The following LRRIQ3 variants were observed in gnomAD, a reference collection of about 807,000 sequenced individuals.
LRRIQ3 encodes the protein leucine rich repeats and IQ motif containing 3.
In LRRIQ3, 75 loss-of-function variants were observed where a neutral mutation model predicts 59.3. The ratio of observed to expected loss-of-function variants is 1.26; its 90% CI spans 1.05 to 1.53. LRRIQ3 has a LOEUF of 1.53. LRRIQ3 is among the 40% of genes most tolerant of loss of function. The pLI is 0.00. For synonymous variants in LRRIQ3, 250 were observed against 231.3 expected (o/e 1.08, Z -0.73); for missense variants, 831 against 710.0 (o/e 1.17, Z -1.94).
intron 5 of LRRIQ3, among the ~76,000 whole-genome samples, chr1:74,077,011 A>G (rs935238230): frequency 6.6e-6 from 1 of 152,124 alleles, no homozygotes; most frequent in Admixed American, 6.6e-5. Flanking sequence ...TCACAATACC[A>G]AAACATATTG....
chr1:74,085,338 A>T (rs536551083), intron 5 of LRRIQ3, among the ~76,000 whole-genome samples: 3 of 151,296 alleles, frequency 2.0e-5, no homozygotes, highest in South Asian at 2.1e-4. Context: ...AAAAAAAAAA[A>T]AATAAAACAC....
rs1388759342 is a variant in LRRIQ3 at position 74,033,726 on chromosome 1, C to CTTAT, written c.1719-6758_1719-6757insATAA. ...GAAATTGGATGGAGAGAAAAAGCTT[C>CTTAT]ATAAGTCAAAATGATGTAAAGACCA... is the stretch of plus-strand genomic sequence containing the variant. On this transcript the variant is annotated intron_variant, in intron 7 of 7. Coordinates refer to ENST00000354431, the MANE Select transcript of LRRIQ3 (RefSeq NM_001105659.2). Among the ~76,000 whole-genome samples the CTTAT allele has an allele frequency of 3.9e-5, 6 of 151,978 alleles. No homozygotes were observed. In the East Asian group the frequency reaches 1.2e-3, roughly 29 times the overall value.
chr1:74,166,292 T>G (rs982559776), intron 3 of LRRIQ3, among the ~76,000 whole-genome samples: 11 of 148,690 alleles, frequency 7.4e-5, no homozygotes, highest in Non-Finnish European at 1.0e-4. Context: ...GTAGTTTGTG[T>G]TTTTTTTTCT....
chr1:74,057,301 T>C (rs995186703), intron 6 of LRRIQ3, among the ~76,000 whole-genome samples: 1 of 152,062 alleles, frequency 6.6e-6, no homozygotes, highest in African/African-American at 2.4e-5. Context: ...CTTTTTAGTA[T>C]ATTTTAATGT....
At chr1:74,143,916 A>G (rs1647389902) in intron 4 of LRRIQ3, among the ~76,000 whole-genome samples, 1 of 151,858 alleles carries the variant, frequency 6.6e-6, no homozygotes, top group African/African-American at 2.4e-5. Flanking sequence ...GTAATTTTAA[A>G]TGAGACTAAT....
At chr1:74,051,059 A>G (rs1654355723) in intron 6 of LRRIQ3, among the ~76,000 whole-genome samples, 1 of 152,206 alleles carries the variant, frequency 6.6e-6, no homozygotes, top group Non-Finnish European at 1.5e-5. Flanking sequence ...ATAGAAAATT[A>G]CAGAGATGCA....
At chr1:74,044,333 A>C (rs1167628121) in intron 6 of LRRIQ3, among the ~76,000 whole-genome samples, 1 of 152,102 alleles carries the variant, frequency 6.6e-6, no homozygotes, top group Non-Finnish European at 1.5e-5. Flanking sequence ...TAGACCCCTC[A>C]TGAGTGGCTT....
chr1:74,163,937 A>T (rs1031902530), intron 3 of LRRIQ3, among the ~76,000 whole-genome samples: 1 of 151,368 alleles, frequency 6.6e-6, no homozygotes, highest in Non-Finnish European at 1.5e-5. Context: ...AGCCATTCTG[A>T]ATAGTATGTA....
chr1:74,132,154 T>C (rs1647033144), intron 4 of LRRIQ3, among the ~76,000 whole-genome samples: 1 of 151,946 alleles, frequency 6.6e-6, no homozygotes, highest in Admixed American at 6.6e-5. Context: ...TACCTAGGAA[T>C]CCAACTTACA....
rs182738474 is a variant in LRRIQ3, at chr1:74,079,825, C to G, written c.868-5035G>C. Among the ~76,000 whole-genome samples the G allele has an allele frequency of 1.5e-3, 235 of 151,844 alleles. 1 individual carries two copies. The highest frequency in any genetic ancestry group is 5.2e-3 in the African/African-American group (216 of 41,518). ...CATTCTTTGGAGACAGTCCAACAAC[C>G]AGAAATAATTTTAAAAGAAACGTAT... is the stretch of plus-strand genomic sequence containing the variant. On this transcript the variant is annotated intron_variant, in intron 5 of 7. Coordinates refer to ENST00000354431, the MANE Select transcript of LRRIQ3 (RefSeq NM_001105659.2).
intron 5 of LRRIQ3, among the ~76,000 whole-genome samples, chr1:74,093,937 G>T (rs182816711): frequency 1.1e-4 from 17 of 152,152 alleles, no homozygotes; most frequent in African/African-American, 4.1e-4. Context: ...TAGTTGGGTA[G>T]GGCTTCCATA....
intron 4 of LRRIQ3, among the ~76,000 whole-genome samples, chr1:74,133,426 G>T (rs900926942): frequency 2.0e-5 from 3 of 151,870 alleles, no homozygotes; most frequent in South Asian, 4.2e-4. Context: ...TGTTTATTGC[G>T]GCACTATTCA....
At chr1:74,055,083 C>G (rs1037542562) in intron 6 of LRRIQ3, among the ~76,000 whole-genome samples, 1 of 147,028 alleles carries the variant, frequency 6.8e-6, no homozygotes, top group African/African-American at 2.5e-5. Flanking sequence ...TGGGTCTTTG[C>G]CACTTTTTAT....
intron 3 of LRRIQ3, among the ~76,000 whole-genome samples, chr1:74,157,163 A>C (rs2100671371): frequency 6.6e-6 from 1 of 152,146 alleles, no homozygotes; most frequent in African/African-American, 2.4e-5. Flanking sequence ...ACACTATTCG[A>C]TACTCTTCCA....
At chr1:74,062,904 G>C (rs556818417) in intron 6 of LRRIQ3, among the ~76,000 whole-genome samples, 8 of 152,080 alleles carry the variant, frequency 5.3e-5, no homozygotes, top group Admixed American at 2.0e-4. Flanking sequence ...CCTGGGTGAG[G>C]AAATAATCTG....
intron 6 of LRRIQ3, among the ~76,000 whole-genome samples, chr1:74,060,062 T>G (rs1321411515): frequency 6.6e-6 from 1 of 152,146 alleles, no homozygotes; most frequent in African/African-American, 2.4e-5. Context: ...TCTTTGCATA[T>G]TGTTCATTGT....
At chr1:74,195,386 A>G (rs1651047363) in intron 1 of LRRIQ3, among the ~76,000 whole-genome samples, 1 of 152,118 alleles carries the variant, frequency 6.6e-6, no homozygotes, top group Non-Finnish European at 1.5e-5. Context: ...TCATATAAAG[A>G]AGGGGGGAAA....
intron 6 of LRRIQ3, among the ~76,000 whole-genome samples, chr1:74,062,809 C>G (rs891094542): frequency 1.3e-5 from 2 of 151,892 alleles, no homozygotes; most frequent in East Asian, 1.9e-4. Flanking sequence ...ATGAAGGGAA[C>G]AGCAGACATT....
chr1:74,166,291 G>GT lies in LRRIQ3; in HGVS notation c.574-10426dup, dbSNP rs199541707. 4.9e-3 allele frequency among the ~76,000 whole-genome samples: 733 copies of GT among 148,418 alleles called. 3 individuals carry two copies. The highest frequency in any genetic ancestry group is 0.016 in the African/African-American group (639 of 40,574). On this transcript the variant is annotated intron_variant, in intron 3 of 7. Coordinates refer to ENST00000354431, the MANE Select transcript of LRRIQ3 (RefSeq NM_001105659.2). ...TGGTGGGTGAGTTTTTGTAGTTTGTGTTTTTTTTTCTGTAGAAGTGTTTCA... is the reference window on the plus strand; with the variant it reads ...TGGTGGGTGAGTTTTTGTAGTTTGTGTTTTTTTTTTCTGTAGAAGTGTTTCA...
Sources: allele counts gnomAD v4.1 joint callset (sites outside exome capture counted in the v4.1 genomes callset), GRCh38; gene constraint gnomAD v4.1.1; transcripts MANE v1.5; gene names NCBI Gene and HGNC (gene_info 2026-07-23, HGNC 2026-07-21).